The following SSBP3 variants were observed in gnomAD, a reference collection of about 807,000 sequenced individuals.
SSBP3 encodes single-stranded DNA-binding protein 3.
Under a neutral mutation model 69.6 loss-of-function variants are expected in SSBP3, and 5 were observed. The observed-to-expected ratio is 0.07, with a 90% CI of 0.04 to 0.15. The LOEUF is 0.15. SSBP3 is among the 10% of genes least tolerant of loss of function. SSBP3 has a pLI of 1.00. For synonymous variants in SSBP3, 196 were observed against 193.4 expected, an observed-to-expected ratio of 1.01 and a Z score of -0.11; for missense variants, 312 against 534.0, an observed-to-expected ratio of 0.58 and a Z score of 4.10.
chr1:54,380,049 C>A (rs1424275050), intron 4 of SSBP3, among the ~76,000 whole-genome samples: 1 of 152,158 alleles, frequency 6.6e-6, no homozygotes, highest in Non-Finnish European at 1.5e-5. Flanking sequence ...GGTGAGAGGG[C>A]TCTCTGGTCA....
intron 4 of SSBP3, among the ~76,000 whole-genome samples, chr1:54,337,485 CTTTTTTTTTTT>C (rs869039822): frequency 5.1e-4 from 26 of 51,166 alleles, no homozygotes; most frequent in African/African-American, 7.9e-4. Context: ...TTTCCTCAAG[CTTTTTTTTTTT>C]TTTTTTTTTT....
At chr1:54,407,962 G>C (rs1649891705), upstream of SSBP3, among the ~76,000 whole-genome samples, 1 of 152,126 alleles carries the variant, frequency 6.6e-6, no homozygotes, top group Non-Finnish European at 1.5e-5. Flanking sequence ...CTGTAGAAGA[G>C]AGAAAAGGGG....
chr1:54,281,859 G>C (rs1645398765), intron 4 of SSBP3, among the ~76,000 whole-genome samples: 1 of 152,088 alleles, frequency 6.6e-6, no homozygotes, highest in African/African-American at 2.4e-5. Context: ...CACTTTGGGA[G>C]GTTGAGGCTG....
At chr1:54,299,277 A>C (rs1238391013) in intron 4 of SSBP3, among the ~76,000 whole-genome samples, 1 of 152,136 alleles carries the variant, frequency 6.6e-6, no homozygotes, top group Non-Finnish European at 1.5e-5. Context: ...CTTGCCAAGA[A>C]TGGAGCCACC....
chr1:54,249,309 A>G (rs1461637514), intron 9 of SSBP3, among the ~76,000 whole-genome samples: 1 of 152,248 alleles, frequency 6.6e-6, no homozygotes, highest in African/African-American at 2.4e-5. Context: ...AACCCAAGCA[A>G]CTAGAGGTCT....
chr1:54,398,947 T>G (rs1352423138), intron 4 of SSBP3, among the ~76,000 whole-genome samples: 1 of 152,178 alleles, frequency 6.6e-6, no homozygotes, highest in Non-Finnish European at 1.5e-5. Context: ...CAACAGACAC[T>G]TATTTACACT....
intron 4 of SSBP3, among the ~76,000 whole-genome samples, chr1:54,313,105 C>T (rs530060793): frequency 5.6e-5 from 8 of 142,970 alleles, no homozygotes; most frequent in East Asian, 2.1e-4. Context: ...AGGGTTAGGG[C>T]GGTGGAGCCA....
chr1:54,353,604 A>T (rs1012861319), intron 4 of SSBP3, among the ~76,000 whole-genome samples: 1 of 152,188 alleles, frequency 6.6e-6, no homozygotes, highest in South Asian at 2.1e-4. Context: ...TCAGATCCCA[A>T]TTCTGGCCAC....
intron 4 of SSBP3, among the ~76,000 whole-genome samples, chr1:54,365,470 C>T (rs542438985): frequency 6.6e-6 from 1 of 152,256 alleles, no homozygotes; most frequent in East Asian, 1.9e-4. Context: ...ATTTGAGAGC[C>T]TAAGTGAAAG....
At chr1:54,347,370 T>TAAA (rs201565456) in intron 4 of SSBP3, among the ~76,000 whole-genome samples, 10 of 140,366 alleles carry the variant, frequency 7.1e-5, no homozygotes, top group East Asian at 4.0e-4. Flanking sequence ...GTCCCCTTTT[T>TAAA]AAAAAAAAAA....
exon 18 of SSBP3, chr1:54,225,628 T>C: frequency 5.6e-6 from 2 of 358,088 alleles, no homozygotes; most frequent in Non-Finnish European, 9.7e-6. Flanking sequence ...TCACATAATA[T>C]GATATACATG....
intron 4 of SSBP3, among the ~76,000 whole-genome samples, chr1:54,339,746 C>G (rs182855438): frequency 6.6e-6 from 1 of 152,208 alleles, no homozygotes; most frequent in East Asian, 1.9e-4. Flanking sequence ...AACCCCATCT[C>G]TACTAAAAAT....
intron 9 of SSBP3, among the ~76,000 whole-genome samples, chr1:54,250,666 G>T (rs1644812443): frequency 6.6e-6 from 1 of 152,178 alleles, no homozygotes; most frequent in Non-Finnish European, 1.5e-5. Context: ...CAGAAAAGAA[G>T]GGAAAGAACA....
intron 4 of SSBP3, among the ~76,000 whole-genome samples, chr1:54,360,348 A>C (rs942912152): frequency 6.6e-6 from 1 of 152,236 alleles, no homozygotes; most frequent in African/African-American, 2.4e-5. Flanking sequence ...TTGCTTTATC[A>C]TGTGTTCTAA....
chr1:54,314,572 G>C (rs892507230), intron 4 of SSBP3, among the ~76,000 whole-genome samples: 1 of 152,230 alleles, frequency 6.6e-6, no homozygotes, highest in African/African-American at 2.4e-5. Context: ...GAAATAGACT[G>C]TTAAATGGAT....
At chr1:54,405,686 C>T (rs569027702) in intron 1 of SSBP3, among the ~76,000 whole-genome samples, 5 of 151,956 alleles carry the variant, frequency 3.3e-5, no homozygotes, top group African/African-American at 9.6e-5. Context: ...CCGCGCTCGA[C>T]CCGCGCCACG....
intron 17 of SSBP3, 42 bp from the exon 18 acceptor site, chr1:54,227,202 G>T: frequency 1.6e-6 from 2 of 1,226,720 alleles, no homozygotes; most frequent in Admixed American, 1.7e-5. Context: ...TGAGGATTGT[G>T]GGGAGGCCGC....
At chr1:54,341,623 C>T (rs1339151801) in intron 4 of SSBP3, among the ~76,000 whole-genome samples, 3 of 151,550 alleles carry the variant, frequency 2.0e-5, no homozygotes, top group East Asian at 1.9e-4. Context: ...CTTCCCAGAG[C>T]TTAATTGCTA....
intron 4 of SSBP3, among the ~76,000 whole-genome samples, chr1:54,290,945 A>G (rs760751207): frequency 1.3e-5 from 2 of 152,182 alleles, no homozygotes; most frequent in East Asian, 1.9e-4. Context: ...ACGCACACAC[A>G]CACATTTCCC....
Sources: allele counts gnomAD v4.1 joint callset (sites outside exome capture counted in the v4.1 genomes callset), GRCh38; gene constraint gnomAD v4.1.1; transcripts MANE v1.5; gene names NCBI Gene and HGNC (gene_info 2026-07-23, HGNC 2026-07-21).